The following KCNK12 variants were observed in gnomAD, a reference collection of about 807,000 sequenced individuals.
The protein encoded by KCNK12 is potassium channel subfamily K member 12.
In KCNK12, 6 loss-of-function variants were observed where a neutral mutation model predicts 25.3. That is an observed-to-expected ratio of 0.24 (90% confidence interval 0.13 to 0.47). The LOEUF is 0.47. Among genes scored for constraint, KCNK12 ranks in the 20% least tolerant of loss-of-function variants. KCNK12 has a pLI of 0.99. For synonymous variants in KCNK12, 331 were observed against 311.1 expected (o/e 1.06, Z -0.67); for missense variants, 444 against 661.7 (o/e 0.67, Z 3.61).
At position 47,525,957 on chromosome 2, in the gene KCNK12, C is replaced by T. The variant is rs562841094; in HGVS notation, c.392-4149G>A. ...TAAGATCACCCCCATGCCCCATCCA[C>T]TGCGGGTCCCCTGAGCCATGTGTCA... On this transcript the variant is annotated intron_variant, in intron 1 of 1. Coordinates refer to ENST00000327876, the MANE Select transcript of KCNK12 (RefSeq NM_022055.2). This position sits in a 1 kb window ranked among gnomAD's most constrained non-coding sequence, Gnocchi z 4.1. Among the ~76,000 whole-genome samples, 6 of 152,324 alleles carry T rather than the reference C, an allele frequency of 3.9e-5. No homozygotes were observed. In the South Asian group the frequency reaches 8.3e-4, roughly 21 times the overall value.
chr2:47,567,415 A>G (rs977391540), intron 1 of KCNK12, among the ~76,000 whole-genome samples: 1 of 152,222 alleles, frequency 6.6e-6, no homozygotes, highest in Non-Finnish European at 1.5e-5. Flanking sequence ...GATTCAGGCC[A>G]TTTAAGAGAA....
rs1443992709 is a variant in KCNK12 at position 47,519,039 on chromosome 2, C to T, written c.*1868G>A. 6.6e-6 allele frequency: 1 copy of T among 152,230 alleles called. No homozygotes were observed. The highest frequency in any genetic ancestry group is 2.4e-5 in the African/African-American group (1 of 41,446). 9.4% of individuals were successfully genotyped at this position (152,230 alleles called of 1,614,324 possible). ...GCTGGCCTGACAGTCACAGTGAATC[C>T]TGAAAGCATGGTTTTCACAGGAACC... On this transcript the variant is annotated 3_prime_UTR_variant, in exon 2 of 2. Transcript: ENST00000327876.
chr2:47,514,613 T>C lies in KCNK12; in HGVS notation c.*6294A>G, dbSNP rs59026679. Among the ~76,000 whole-genome samples the C allele has an allele frequency of 0.03, 4,580 of 151,964 alleles. 254 individuals carry two copies. Among genetic ancestry groups the C allele is most frequent in the African/African-American group, 0.1 (4,340 of 41,436 alleles). Reference sequence around the variant, plus strand: ...TTTCTTTTCTTCCTTTTTCTTTTTTTTTTTTCTTTCTTTTTGAGACAGGGT... The same window carrying C: ...TTTCTTTTCTTCCTTTTTCTTTTTTCTTTTTCTTTCTTTTTGAGACAGGGT... On this transcript the variant is annotated 3_prime_UTR_variant, in exon 2 of 2. Coordinates refer to ENST00000327876, the MANE Select transcript of KCNK12 (RefSeq NM_022055.2). The surrounding 1 kb of genome is among the most constrained non-coding windows in gnomAD (Gnocchi z 5.0).
chr2:47,568,073 A>G (rs971297330), intron 1 of KCNK12, among the ~76,000 whole-genome samples: 13 of 152,148 alleles, frequency 8.5e-5, no homozygotes, highest in African/African-American at 3.1e-4. Flanking sequence ...TCATGGCCCA[A>G]AAAGGAAAGG....
Position 47,525,675 on chromosome 2 carries a change from G to GCT in KCNK12, c.392-3869_392-3868dup, listed in dbSNP as rs1373712616. Among the ~76,000 whole-genome samples, 3 of 152,168 alleles carry GCT rather than the reference G, an allele frequency of 2.0e-5. No individual in the cohort carries two copies. The highest frequency in any genetic ancestry group is 7.2e-5 in the African/African-American group (3 of 41,436). Reference sequence around the variant, plus strand: ...AGATCTGAAGAGACTGCTCAAGAGGGCTGCCTGCTGGAGCAAGGGGGCCCT... The same window carrying GCT: ...AGATCTGAAGAGACTGCTCAAGAGGGCTCTGCCTGCTGGAGCAAGGGGGCCCT... On this transcript the variant is annotated intron_variant, in intron 1 of 1. Transcript: ENST00000327876. The surrounding 1 kb of genome is among the most constrained non-coding windows in gnomAD (Gnocchi z 4.1).
At chr2:47,534,640 G>C (rs970738732) in intron 1 of KCNK12, among the ~76,000 whole-genome samples, 2 of 150,580 alleles carry the variant, frequency 1.3e-5, no homozygotes, top group Non-Finnish European at 2.9e-5. Flanking sequence ...TGATGAACCC[G>C]GAGTGAGGAG....
In KCNK12 at chr2:47,566,048, G is replaced by C. The variant is rs564140811; in HGVS notation, c.391+3893C>G. The C allele has an allele frequency of 6.6e-6, 1 of 152,360 alleles. No individual in the cohort carries two copies. The highest frequency in any genetic ancestry group is 2.4e-5 in the African/African-American group (1 of 41,586). The allele number at this position is 152,360 out of a possible 1,614,324, so 9.4% of individuals were successfully genotyped here. Reference sequence around the variant, plus strand: ...AATAATTACCCAGGATTTCAGTTCAGTGTAAGCAATCGGTATGAATAATTT... The same window carrying C: ...AATAATTACCCAGGATTTCAGTTCACTGTAAGCAATCGGTATGAATAATTT... On this transcript the variant is annotated intron_variant, in intron 1 of 1. Coordinates refer to ENST00000327876, the MANE Select transcript of KCNK12 (RefSeq NM_022055.2). The surrounding 1 kb of genome is among the most constrained non-coding windows in gnomAD (Gnocchi z 4.1).
In KCNK12 at chr2:47,569,922, C is replaced by A. The variant is rs1558568873; in HGVS notation, c.391+19G>T. Reference sequence around the variant, plus strand: ...GAAAGGCACAGAGAGGAAAGATGCGCGGGGGACGCGCCGCTCACCTATGGT... The same window carrying A: ...GAAAGGCACAGAGAGGAAAGATGCGAGGGGGACGCGCCGCTCACCTATGGT... On this transcript the variant is annotated intron_variant, in intron 1 of 1. Transcript: ENST00000327876. This position sits in a 1 kb window ranked among gnomAD's most constrained non-coding sequence, Gnocchi z 4.1. 7.4e-7 allele frequency: 1 copy of A among 1,352,498 alleles called. No homozygotes were observed. Among genetic ancestry groups the A allele is most frequent in the South Asian group, 1.8e-5 (1 of 55,406 alleles). 83.8% of individuals were successfully genotyped at this position (1,352,498 alleles called of 1,614,324 possible). A position where few individuals can be genotyped will look rare whatever the true frequency, so the allele number is the denominator to read the frequency against.
At chr2:47,561,309 A>G (rs1046058010) in intron 1 of KCNK12, among the ~76,000 whole-genome samples, 5 of 152,184 alleles carry the variant, frequency 3.3e-5, no homozygotes, top group African/African-American at 1.2e-4. Flanking sequence ...TTATCCACCA[A>G]TTACATCCTT....
rs549860312 is a variant in KCNK12, at chr2:47,514,637, G to T, written c.*6270C>A. On this transcript the variant is annotated 3_prime_UTR_variant, in exon 2 of 2. Transcript: ENST00000327876. The surrounding 1 kb of genome is among the most constrained non-coding windows in gnomAD (Gnocchi z 5.0). Reference sequence around the variant, plus strand: ...TTTTTTTCTTTCTTTTTGAGACAGGGTCTTACTCTGTCACCAAGGCTGGAG... The same window carrying T: ...TTTTTTTCTTTCTTTTTGAGACAGGTTCTTACTCTGTCACCAAGGCTGGAG... Among the ~76,000 whole-genome samples the T allele has an allele frequency of 2.0e-5, 3 of 150,354 alleles. No individual in the cohort carries two copies. Among genetic ancestry groups the T allele is most frequent in the South Asian group, 2.1e-4 (1 of 4,734 alleles).
rs540179557 is a variant in KCNK12 at position 47,560,615 on chromosome 2, A to G, written c.391+9326T>C. The stretch of plus-strand genomic sequence containing the variant: ...TTGACTGACTTGCTGTGTGATGCCA[A>G]GAAAGTTGCTTAACCTCTCTGAGCC... On this transcript the variant is annotated intron_variant, in intron 1 of 1. Transcript: ENST00000327876. This position sits in a 1 kb window ranked among gnomAD's most constrained non-coding sequence, Gnocchi z 4.7. Among the ~76,000 whole-genome samples the G allele has an allele frequency of 6.6e-6, 1 of 152,324 alleles. No individual in the cohort carries two copies. The highest frequency in any genetic ancestry group is 2.1e-4 in the South Asian group (1 of 4,826).
At position 47,538,596 on chromosome 2, in the gene KCNK12, C is replaced by T. The variant is rs934103697; in HGVS notation, c.392-16788G>A. On this transcript the variant is annotated intron_variant, in intron 1 of 1. Transcript: ENST00000327876. This position sits in a 1 kb window ranked among gnomAD's most constrained non-coding sequence, Gnocchi z 4.5. ...GACCAGCCTGGCCAACATGGTGAAA[C>T]CCCGTCTCTACTAAAAATACAAAAA... 3.3e-5 allele frequency among the ~76,000 whole-genome samples: 5 copies of T among 152,100 alleles called. No homozygotes were observed. The East Asian group carries it at 9.6e-4, about 29-fold the overall frequency.
chr2:47,531,670 A>G (rs543692102), intron 1 of KCNK12, among the ~76,000 whole-genome samples: 1 of 152,306 alleles, frequency 6.6e-6, no homozygotes, highest in South Asian at 2.1e-4. Context: ...AATCTGTGGA[A>G]GAAGGCAAGG....
intron 1 of KCNK12, among the ~76,000 whole-genome samples, chr2:47,568,495 G>A (rs1457239610): frequency 6.6e-6 from 1 of 152,088 alleles, no homozygotes; most frequent in African/African-American, 2.4e-5. Flanking sequence ...AAAATAATCA[G>A]ATCAAGCATG....
At chr2:47,523,541 A>G (rs750773570) in intron 1 of KCNK12, among the ~76,000 whole-genome samples, 5 of 152,208 alleles carry the variant, frequency 3.3e-5, no homozygotes, top group African/African-American at 4.8e-5. Context: ...GGGTGTCTTT[A>G]TCAATTGATT....
chr2:47,517,199 A>G lies in KCNK12; in HGVS notation c.*3708T>C, dbSNP rs932517161. The G allele has an allele frequency of 2.0e-5, 3 of 152,048 alleles. No individual in the cohort carries two copies. Among genetic ancestry groups the G allele is most frequent in the Non-Finnish European group, 4.4e-5 (3 of 68,010 alleles). 9.4% of individuals were successfully genotyped at this position (152,048 alleles called of 1,614,324 possible). On this transcript the variant is annotated 3_prime_UTR_variant, in exon 2 of 2. Coordinates refer to ENST00000327876, the MANE Select transcript of KCNK12 (RefSeq NM_022055.2). This position sits in a 1 kb window ranked among gnomAD's most constrained non-coding sequence, Gnocchi z 4.1. ...TCGAACCACAGGGCCCGTCGCTCCT[A>G]TGGTCTCTGCCTGACTGGGCTGCCG...
intron 1 of KCNK12, among the ~76,000 whole-genome samples, chr2:47,544,193 G>A (rs1379285108): frequency 6.6e-6 from 1 of 152,184 alleles, no homozygotes; most frequent in Admixed American, 6.5e-5. Flanking sequence ...GTACTACCCT[G>A]TGCCCCCATT....
In KCNK12 at chr2:47,552,411, A is replaced by T. The variant is rs541454138; in HGVS notation, c.391+17530T>A. ...TCCCCACTTCCTTTGTGGCTGCAGC[A>T]TCTTCAACTGCCTTCCCCCCATTAT... On this transcript the variant is annotated intron_variant, in intron 1 of 1. Transcript: ENST00000327876. Among the ~76,000 whole-genome samples, 133 of 152,262 alleles carry T rather than the reference A, an allele frequency of 8.7e-4. No homozygotes were observed. The Middle Eastern group carries it at 0.024, about 27-fold the overall frequency.
chr2:47,526,454 G>A (rs964295439), intron 1 of KCNK12, among the ~76,000 whole-genome samples: 11 of 150,786 alleles, frequency 7.3e-5, no homozygotes, highest in Non-Finnish European at 1.5e-4. Flanking sequence ...GAAACTGGCT[G>A]AGCCTGGTGG....
Sources: gnomAD v4.1 joint callset for allele counts (sites outside exome capture counted in the v4.1 genomes callset) on GRCh38, gnomAD v4.1.1 for gene constraint, Gnocchi (gnomAD v3.1) non-coding constraint, MANE v1.5 for transcripts, NCBI Gene and HGNC (gene_info 2026-07-23, HGNC 2026-07-21) for gene names.